The following TBC1D22B variants were observed in gnomAD, a reference collection of about 807,000 sequenced individuals.
TBC1D22B encodes TBC1 domain family member 22B.
Under a neutral mutation model 69.1 loss-of-function variants are expected in TBC1D22B, and 32 were observed. The ratio of observed to expected loss-of-function variants is 0.46; its 90% CI spans 0.35 to 0.62. TBC1D22B has a LOEUF of 0.62. Ranked by LOEUF, TBC1D22B falls within the 20% of genes least tolerant of loss-of-function variation. TBC1D22B has a pLI of 0.00. For missense variants in TBC1D22B, 462 were observed against 630.9 expected, an observed-to-expected ratio of 0.73 and a Z score of 2.87; for synonymous variants, 206 against 229.8, an observed-to-expected ratio of 0.90 and a Z score of 0.94.
At chr6:37,294,461 CCACTAT>C (rs1767291979) in intron 8 of TBC1D22B, among the ~76,000 whole-genome samples, 1 of 152,154 alleles carries the variant, frequency 6.6e-6, no homozygotes, top group East Asian at 1.9e-4. Flanking sequence ...TACGTAGTAG[CCACTAT>C]GGCCAGCCTG....
rs1000442748 is a variant in TBC1D22B, at chr6:37,331,291, C to G, written c.*119C>G. ...CCACTCCTGTTGTACAAAGCTCACA[C>G]CCACCGCCCAGGTCTTAACTTTCTG... On this transcript the variant is annotated 3_prime_UTR_variant, in exon 13 of 13. Coordinates refer to ENST00000373491, the MANE Select transcript of TBC1D22B (RefSeq NM_017772.4). The G allele has an allele frequency of 3.9e-6, 4 of 1,027,824 alleles. No individual in the cohort carries two copies. The highest frequency in any genetic ancestry group is 1.6e-5 in the African/African-American group (1 of 62,836). 63.7% of individuals were successfully genotyped at this position (1,027,824 alleles called of 1,614,324 possible).
intron 12 of TBC1D22B, among the ~76,000 whole-genome samples, chr6:37,327,465 C>T (rs9470551): frequency 6.3e-5 from 4 of 63,142 alleles, no homozygotes; most frequent in Non-Finnish European, 1.1e-4. Flanking sequence ...GCGACAGAGC[C>T]AGACTCCGAC....
chr6:37,306,190 A>T (rs927179461), intron 8 of TBC1D22B, among the ~76,000 whole-genome samples: 5 of 152,162 alleles, frequency 3.3e-5, no homozygotes, highest in Non-Finnish European at 7.4e-5. Flanking sequence ...GTGGCTTGTC[A>T]TTTCTGAGAC....
At chr6:37,268,933 C>T (rs113356188) in intron 1 of TBC1D22B, among the ~76,000 whole-genome samples, 9 of 152,274 alleles carry the variant, frequency 5.9e-5, no homozygotes, top group African/African-American at 2.2e-4. Context: ...ATTGATTTCT[C>T]TTGTCACTAT....
intron 7 of TBC1D22B, 56 bp from the exon 8 acceptor site, chr6:37,291,187 A>C: frequency 4.9e-6 from 6 of 1,232,580 alleles, no homozygotes; most frequent in Non-Finnish European, 7.1e-6. Context: ...AAACGGAGGG[A>C]AGGAGTGTGT....
chr6:37,307,375 C>T (rs145071710), intron 8 of TBC1D22B, among the ~76,000 whole-genome samples: 1,746 of 142,140 alleles, frequency 0.012, 29 homozygotes, highest in Middle Eastern at 0.048. Context: ...TTTTTTGAGA[C>T]AGAGTCTTCT....
intron 1 of TBC1D22B, among the ~76,000 whole-genome samples, chr6:37,259,510 C>T (rs1407377448): frequency 2.0e-5 from 3 of 152,120 alleles, no homozygotes; most frequent in Admixed American, 6.5e-5. Context: ...AGATGTGGGA[C>T]GTGGCATGGG....
chr6:37,275,498 T>C lies in TBC1D22B; in HGVS notation c.114-3806T>C, dbSNP rs116043682. Among the ~76,000 whole-genome samples, 546 of 152,290 alleles carry C rather than the reference T, an allele frequency of 3.6e-3. 2 individuals carry two copies. The highest frequency in any genetic ancestry group is 0.012 in the African/African-American group (507 of 41,550). On this transcript the variant is annotated intron_variant, in intron 2 of 12. Coordinates refer to ENST00000373491, the MANE Select transcript of TBC1D22B (RefSeq NM_017772.4). ...ACCTTCTTCTTTTTAGCTGCTTTTT[T>C]CAAGGTAAAGTAAGTAGTTAGTAGC... is the stretch of plus-strand genomic sequence containing the variant.
Position 37,267,463 on chromosome 6 carries a change from T to C in TBC1D22B, c.57-2131T>C, listed in dbSNP as rs532922746. On this transcript the variant is annotated intron_variant, in intron 1 of 12. Transcript: ENST00000373491. The stretch of plus-strand genomic sequence containing the variant: ...CACATATATAATATATATATACACA[T>C]ATATATAATATATATACACTATATA... Among the ~76,000 whole-genome samples the C allele has an allele frequency of 1.2e-4, 15 of 125,272 alleles. No individual in the cohort carries two copies. In the South Asian group the frequency reaches 1.5e-3, roughly 12 times the overall value. The allele number at this position is 125,272 out of a possible 152,430, so 82.2% of individuals were successfully genotyped here.
At chr6:37,288,984 G>A (rs1767097788) in intron 7 of TBC1D22B, among the ~76,000 whole-genome samples, 2 of 151,980 alleles carry the variant, frequency 1.3e-5, no homozygotes, top group African/African-American at 4.8e-5. Flanking sequence ...TACTCCCCGG[G>A]CTCAAGCAGT....
intron 12 of TBC1D22B, among the ~76,000 whole-genome samples, chr6:37,321,516 G>A (rs1768243374): frequency 6.6e-6 from 1 of 152,188 alleles, no homozygotes; most frequent in African/African-American, 2.4e-5. Context: ...ATTCCTCCCA[G>A]GGTCTTCCTT....
chr6:37,306,522 C>T (rs1402890804), intron 8 of TBC1D22B, among the ~76,000 whole-genome samples: 1 of 152,182 alleles, frequency 6.6e-6, no homozygotes, highest in Non-Finnish European at 1.5e-5. Context: ...TTTGCCTCCT[C>T]TTCCTTTACT....
At position 37,288,064 on chromosome 6, in the gene TBC1D22B, G is replaced by T. The variant is rs899120602; in HGVS notation, c.867+992G>T. ...CACTAAGTACTAGTGCTCTTTTAAC[G>T]GAACTTTCAGTTCTCATAGTAGAGA... On this transcript the variant is annotated intron_variant, in intron 7 of 12. Transcript: ENST00000373491. Among the ~76,000 whole-genome samples, 8 of 152,246 alleles carry T rather than the reference G, an allele frequency of 5.3e-5. No homozygotes were observed. The East Asian group carries it at 1.5e-3, about 29-fold the overall frequency.
At position 37,257,813 on chromosome 6, in the gene TBC1D22B, G is replaced by C. The variant is rs1227514535; in HGVS notation, c.-105G>C. On this transcript the variant is annotated 5_prime_UTR_variant, in exon 1 of 13. Coordinates refer to ENST00000373491, the MANE Select transcript of TBC1D22B (RefSeq NM_017772.4). ...CCCCAGGAGCTGGGAGCGGGTGACC[G>C]GCGGCGGGGAAGCGGCCTGGGTTGG... 2.3e-6 allele frequency: 3 copies of C among 1,303,720 alleles called. No individual in the cohort carries two copies. Among genetic ancestry groups the C allele is most frequent in the East Asian group, 2.6e-5 (1 of 39,150 alleles). 80.8% of individuals were successfully genotyped at this position (1,303,720 alleles called of 1,614,324 possible). A position where few individuals can be genotyped will look rare whatever the true frequency, so the allele number is the denominator to read the frequency against.
At chr6:37,290,402 A>AT (rs1296949000) in intron 7 of TBC1D22B, among the ~76,000 whole-genome samples, 1 of 152,178 alleles carries the variant, frequency 6.6e-6, no homozygotes, top group Non-Finnish European at 1.5e-5. Context: ...GGCAATGGGT[A>AT]TTATCAGGTT....
Position 37,281,980 on chromosome 6 carries a change from A to C in TBC1D22B, c.422-205A>C, listed in dbSNP as rs577354600. ...CCTAAGGTGCCTTGGTGTGTTTGAT[A>C]TAAATGCAGCCCTTTCTCTGGGCAG... On this transcript the variant is annotated intron_variant, in intron 3 of 12. Coordinates refer to ENST00000373491, the MANE Select transcript of TBC1D22B (RefSeq NM_017772.4). Among the ~76,000 whole-genome samples the C allele has an allele frequency of 3.9e-5, 6 of 152,276 alleles. No homozygotes were observed. The South Asian group carries it at 1.2e-3, about 32-fold the overall frequency.
chr6:37,298,296 T>G (rs897967757), intron 8 of TBC1D22B, among the ~76,000 whole-genome samples: 2 of 152,194 alleles, frequency 1.3e-5, no homozygotes, highest in African/African-American at 4.8e-5. Flanking sequence ...CTTCCAGACC[T>G]TTTCCTATGT....
chr6:37,291,118 G>A, intron 7 of TBC1D22B, 125 bp from the exon 8 acceptor site: 1 of 700,012 alleles, frequency 1.4e-6, no homozygotes, highest in Non-Finnish European at 2.5e-6. Flanking sequence ...TTATCCCACA[G>A]TATCTTAAAA....
chr6:37,327,050 T>G (rs1768426144), intron 12 of TBC1D22B, among the ~76,000 whole-genome samples: 1 of 151,952 alleles, frequency 6.6e-6, no homozygotes, highest in African/African-American at 2.4e-5. Flanking sequence ...TTCCAGTTGT[T>G]GTGGGATAGG....
Sources: allele counts gnomAD v4.1 joint callset (sites outside exome capture counted in the v4.1 genomes callset), GRCh38; gene constraint gnomAD v4.1.1; transcripts MANE v1.5; gene names NCBI Gene and HGNC (gene_info 2026-07-23, HGNC 2026-07-21).